The following ROBO1 variants were observed in gnomAD, a reference collection of about 807,000 sequenced individuals.
ROBO1 encodes roundabout homolog 1.
In ROBO1, 149 loss-of-function variants were observed where a neutral mutation model predicts 195.9. That is an observed-to-expected ratio of 0.76 (90% CI 0.67 to 0.87). The LOEUF is 0.87. Ranked by LOEUF, ROBO1 falls within the 40% of genes least tolerant of loss-of-function variation. The probability of loss-of-function intolerance (pLI) is 0.00; values close to 1 mark genes in which losing one functional copy is unlikely to be tolerated. For synonymous variants in ROBO1, 816 were observed against 733.2 expected, an observed-to-expected ratio of 1.11 and a Z score of -1.82; for missense variants, 1,933 against 2,068.3, an observed-to-expected ratio of 0.93 and a Z score of 1.27.
At chr3:79,489,211 G>A (rs1939321327) in intron 2 of ROBO1, among the ~76,000 whole-genome samples, 2 of 151,874 alleles carry the variant, frequency 1.3e-5, no homozygotes, top group African/African-American at 2.4e-5. Flanking sequence ...AATTACAATT[G>A]TGGAATTCGA....
At chr3:79,221,940 TATTA>T (rs1199039108) in intron 2 of ROBO1, among the ~76,000 whole-genome samples, 1 of 152,110 alleles carries the variant, frequency 6.6e-6, no homozygotes, top group Admixed American at 6.6e-5. Flanking sequence ...GAGTTTTACA[TATTA>T]ATTCTAGTTC....
intron 1 of ROBO1, among the ~76,000 whole-genome samples, chr3:79,767,292 C>G (rs142053637): frequency 2.0e-5 from 3 of 152,102 alleles, no homozygotes; most frequent in South Asian, 2.1e-4. Context: ...CAAAGTTGCC[C>G]GGCCCCAGCC....
At chr3:78,727,187 T>A (rs965157158) in intron 5 of ROBO1, among the ~76,000 whole-genome samples, 1 of 152,046 alleles carries the variant, frequency 6.6e-6, no homozygotes. Flanking sequence ...CCCAAAAGTA[T>A]CATAGTAACA....
At chr3:79,557,399 T>G (rs557996588) in intron 2 of ROBO1, among the ~76,000 whole-genome samples, 73 of 152,198 alleles carry the variant, frequency 4.8e-4, no homozygotes, top group Non-Finnish European at 1.0e-3. Context: ...CTTTTTCAGA[T>G]ATGAATTTGT....
chr3:79,579,403 G>A (rs955196489), intron 2 of ROBO1, among the ~76,000 whole-genome samples: 31 of 152,134 alleles, frequency 2.0e-4, no homozygotes, highest in African/African-American at 7.5e-4. Context: ...CTTAAGAAAG[G>A]AAGACACCCT....
intron 2 of ROBO1, among the ~76,000 whole-genome samples, chr3:79,581,006 T>TGGCAAG (rs1943643873): frequency 6.6e-6 from 1 of 152,118 alleles, no homozygotes; most frequent in Non-Finnish European, 1.5e-5. Flanking sequence ...TACATGCACG[T>TGGCAAG]GGCAAGAGGA....
At chr3:78,936,989 G>T (rs2039848699) in intron 4 of ROBO1, among the ~76,000 whole-genome samples, 1 of 152,024 alleles carries the variant, frequency 6.6e-6, no homozygotes, top group Non-Finnish European at 1.5e-5. Flanking sequence ...AGTTAACTGT[G>T]AATAGGCAAA....
At chr3:79,006,603 C>G (rs992250686) in intron 3 of ROBO1, among the ~76,000 whole-genome samples, 1 of 151,998 alleles carries the variant, frequency 6.6e-6, no homozygotes, top group Admixed American at 6.6e-5. Context: ...CTTGAAAAGT[C>G]CATCTGAAAG....
chr3:79,713,232 A>AT (rs1303347277), intron 1 of ROBO1, among the ~76,000 whole-genome samples: 4 of 151,934 alleles, frequency 2.6e-5, no homozygotes, highest in East Asian at 3.9e-4. Flanking sequence ...CTGCTAACAC[A>AT]TTTTTTCTGC....
chr3:78,600,439 C>G (rs936873490), intron 29 of ROBO1, 130 bp from the exon 30 acceptor site: 11 of 644,900 alleles, frequency 1.7e-5, no homozygotes, highest in Non-Finnish European at 3.0e-5. Flanking sequence ...TGAGGACACT[C>G]TATAAGCATA....
chr3:79,698,655 A>G (rs935515513), intron 1 of ROBO1, among the ~76,000 whole-genome samples: 2 of 151,626 alleles, frequency 1.3e-5, no homozygotes, highest in Non-Finnish European at 3.0e-5. Context: ...TTGTAGCTAA[A>G]CTACCATTAA....
At chr3:79,728,897 CTA>C (rs1413684525) in intron 1 of ROBO1, among the ~76,000 whole-genome samples, 1 of 151,872 alleles carries the variant, frequency 6.6e-6, no homozygotes, top group Non-Finnish European at 1.5e-5. Context: ...TCTTCATAGA[CTA>C]TATAAAGAAT....
At chr3:79,675,932 T>C (rs1416583359) in intron 1 of ROBO1, among the ~76,000 whole-genome samples, 1 of 152,034 alleles carries the variant, frequency 6.6e-6, no homozygotes, top group Admixed American at 6.6e-5. Context: ...TCTGCACAAT[T>C]GTCGATAAAA....
intron 2 of ROBO1, among the ~76,000 whole-genome samples, chr3:79,521,150 G>C (rs1941191979): frequency 6.6e-6 from 1 of 152,086 alleles, no homozygotes; most frequent in African/African-American, 2.4e-5. Context: ...TTTCTGATTG[G>C]AGTGCTTAAT....
In ROBO1 at chr3:78,612,090, CTT is replaced by C. The variant is rs551411080; in HGVS notation, c.4435+2556_4435+2557del. 9.8e-5 allele frequency among the ~76,000 whole-genome samples: 15 copies of C among 152,294 alleles called. No individual in the cohort carries two copies. The South Asian group carries it at 2.9e-3, about 29-fold the overall frequency. Reference sequence around the variant, plus strand: ...CTTTATCCGTTCAGACATGGCCACTCTTTATCCTTCTTTATATAGTTTTTAAA... The same window carrying C: ...CTTTATCCGTTCAGACATGGCCACTCTATCCTTCTTTATATAGTTTTTAAA... On this transcript the variant is annotated intron_variant, in intron 28 of 30. Coordinates refer to ENST00000464233, the MANE Select transcript of ROBO1 (RefSeq NM_002941.4).
chr3:79,135,797 C>T (rs931946320), intron 2 of ROBO1, among the ~76,000 whole-genome samples: 1 of 152,032 alleles, frequency 6.6e-6, no homozygotes, highest in Non-Finnish European at 1.5e-5. Context: ...GGCACCACGC[C>T]CGGCTAATTT....
At chr3:78,806,840 C>T (rs2084557222) in intron 4 of ROBO1, among the ~76,000 whole-genome samples, 1 of 151,822 alleles carries the variant, frequency 6.6e-6, no homozygotes. Flanking sequence ...CAGAGTCTCA[C>T]TCTGTTGCCC....
intron 4 of ROBO1, among the ~76,000 whole-genome samples, chr3:78,747,658 A>G (rs1056986938): frequency 1.3e-5 from 2 of 152,168 alleles, no homozygotes; most frequent in African/African-American, 4.8e-5. Context: ...TAATTGTACT[A>G]CTAACATTAG....
intron 1 of ROBO1, among the ~76,000 whole-genome samples, chr3:79,720,145 G>A (rs897636895): frequency 6.6e-6 from 1 of 152,104 alleles, no homozygotes; most frequent in Admixed American, 6.5e-5. Context: ...TCCAGTATTC[G>A]TGCCCTTTAT....
Sources: allele counts gnomAD v4.1 joint callset (sites outside exome capture counted in the v4.1 genomes callset), GRCh38; gene constraint gnomAD v4.1.1; transcripts MANE v1.5; gene names NCBI Gene and HGNC (gene_info 2026-07-23, HGNC 2026-07-21).